TRPM7: variants seen among roughly 807,000 people sequenced by gnomAD.
TRPM7 encodes the protein transient receptor potential cation channel subfamily M member 7.
A neutral mutation model predicts 229.7 loss-of-function variants in TRPM7; 134 were observed. That is an observed-to-expected ratio of 0.58 (90% CI 0.51 to 0.67). The LOEUF (loss-of-function observed/expected upper bound fraction) is 0.67. TRPM7 is among the 30% of genes least tolerant of loss of function. The probability of loss-of-function intolerance (pLI) is 0.00; values close to 1 mark genes in which losing one functional copy is unlikely to be tolerated. For synonymous variants in TRPM7, 699 were observed against 715.2 expected, an observed-to-expected ratio of 0.98 and a Z score of 0.36; for missense variants, 1,901 against 2,210.0, an observed-to-expected ratio of 0.86 and a Z score of 2.80.
intron 38 of TRPM7, 51 bp from the exon 39 acceptor site, chr15:50,561,859 A>G (rs1214514447): frequency 1.4e-6 from 2 of 1,463,602 alleles, no homozygotes; most frequent in African/African-American, 2.9e-5. Context: ...GAGAAAAGAA[A>G]AAAGTTAGTA....
intron 1 of TRPM7, among the ~76,000 whole-genome samples, chr15:50,671,908 A>C (rs1469848120): frequency 6.6e-6 from 1 of 152,196 alleles, no homozygotes. Flanking sequence ...ACAAACCTGC[A>C]CTGCCAGTTA....
chr15:50,612,273 T>C (rs1359082909), intron 16 of TRPM7, among the ~76,000 whole-genome samples: 1 of 152,218 alleles, frequency 6.6e-6, no homozygotes, highest in Non-Finnish European at 1.5e-5. Flanking sequence ...AAATTTCATG[T>C]AGAGACGGGG....
intron 38 of TRPM7, among the ~76,000 whole-genome samples, chr15:50,568,074 GTC>G (rs2053688307): frequency 1.2e-5 from 1 of 81,540 alleles, no homozygotes; most frequent in Non-Finnish European, 2.2e-5. Context: ...GCGAGACTCC[GTC>G]TCAAAAAAAA....
chr15:50,656,499 CTT>C (rs75557468), intron 3 of TRPM7, among the ~76,000 whole-genome samples: 85 of 133,446 alleles, frequency 6.4e-4, no homozygotes, highest in South Asian at 3.4e-3. Context: ...GTGTGGTTTT[CTT>C]TTTTTTTTTT....
intron 29 of TRPM7, among the ~76,000 whole-genome samples, chr15:50,581,955 T>C (rs1000168810): frequency 2.0e-5 from 3 of 152,166 alleles, no homozygotes; most frequent in Non-Finnish European, 2.9e-5. Context: ...ATCTGTTAAT[T>C]AACTCCCACT....
chr15:50,619,832 T>C (rs757109915), intron 12 of TRPM7, 34 bp from the exon 13 acceptor site: 1 of 1,559,828 alleles, frequency 6.4e-7, no homozygotes, highest in South Asian at 1.2e-5. Context: ...AAACTATTAT[T>C]TTTCTTCTAA....
At chr15:50,603,850 T>C (rs1261640441) in intron 21 of TRPM7, 7 of 152,210 alleles carry the variant, frequency 4.6e-5, no homozygotes, top group African/African-American at 1.4e-4. Flanking sequence ...GCATGTATTT[T>C]TAAAGCATAT....
At chr15:50,636,962 T>C (rs1362923054) in intron 7 of TRPM7, among the ~76,000 whole-genome samples, 1 of 152,032 alleles carries the variant, frequency 6.6e-6, no homozygotes, top group Non-Finnish European at 1.5e-5. Context: ...ACCCTGTCTC[T>C]ACTAAAAATA....
intron 24 of TRPM7, 140 bp from the exon 25 acceptor site, chr15:50,593,889 A>G (rs1423253850): frequency 5.2e-6 from 4 of 773,458 alleles, no homozygotes; most frequent in Admixed American, 6.3e-5. Context: ...CTATGCTTCT[A>G]AAGCACTAGA....
At chr15:50,623,796 A>G (rs915444705) in intron 12 of TRPM7, among the ~76,000 whole-genome samples, 1 of 136,226 alleles carries the variant, frequency 7.3e-6, no homozygotes, top group Admixed American at 7.2e-5. Context: ...ATGTAAAAAA[A>G]GAAAAAAAAA....
chr15:50,557,377 C>T lies in TRPM7; in HGVS notation c.*4301G>A, dbSNP rs2053177044. On this transcript the variant is annotated 3_prime_UTR_variant, in exon 39 of 39. Coordinates refer to ENST00000646667, the MANE Select transcript of TRPM7 (RefSeq NM_017672.6). ...TCAATCCAGTGAAGTCTTGAGGGTC[C>T]CTTCCCTCTGTGAAGCATATAATCT... The T allele has an allele frequency of 6.6e-6, 1 of 152,086 alleles. No individual in the cohort carries two copies. The highest frequency in any genetic ancestry group is 2.4e-5 in the African/African-American group (1 of 41,416). The allele number at this position is 152,086 out of a possible 1,614,324, so 9.4% of individuals were successfully genotyped here.
chr15:50,634,121 C>T lies in TRPM7; in HGVS notation c.1007+261G>A, dbSNP rs753691433. Among the ~76,000 whole-genome samples, 78 of 152,066 alleles carry T rather than the reference C, an allele frequency of 5.1e-4. 1 individual carries two copies. Among genetic ancestry groups the T allele is most frequent in the Middle Eastern group, 3.4e-3 (1 of 294 alleles). The stretch of plus-strand genomic sequence containing the variant: ...ATCACTTGAGGTCAGGAGTTCAAGA[C>T]TAGCCTGCCCAACACAGTGAAACCC... On this transcript the variant is annotated intron_variant, in intron 8 of 38. Coordinates refer to ENST00000646667, the MANE Select transcript of TRPM7 (RefSeq NM_017672.6).
In TRPM7 at chr15:50,574,259, T is replaced by G. The variant is rs373910257; in HGVS notation, c.5308+15A>C. The G allele has an allele frequency of 3.7e-6, 6 of 1,602,750 alleles. No homozygotes were observed. The African/African-American group carries it at 8.0e-5, about 21-fold the overall frequency. On this transcript the variant is annotated intron_variant, in intron 36 of 38. Coordinates refer to ENST00000646667, the MANE Select transcript of TRPM7 (RefSeq NM_017672.6). ...ACTGCAGAATTTCACCTTAGCAATA[T>G]TTTAATAAATTTACCTTGCAAATCA...
chr15:50,613,893 A>G (rs776227595), intron 14 of TRPM7, 52 bp from the exon 15 acceptor site: 2 of 1,577,484 alleles, frequency 1.3e-6, no homozygotes, highest in Non-Finnish European at 1.7e-6. Flanking sequence ...CTGACATGTT[A>G]TAAAAATTCA....
rs562159289 is a variant in TRPM7, at chr15:50,680,186, A to G, written c.3+6345T>C. On this transcript the variant is annotated intron_variant, in intron 1 of 38. Transcript: ENST00000646667. ...GAGGCAGAGGCTGCAGGGAGCTGAG[A>G]TTGTGCCACTGCACTCCAGCCTGGG... 2.6e-5 allele frequency among the ~76,000 whole-genome samples: 4 copies of G among 152,116 alleles called. No homozygotes were observed. The South Asian group carries it at 8.3e-4, about 32-fold the overall frequency.
intron 1 of TRPM7, among the ~76,000 whole-genome samples, chr15:50,677,621 C>A (rs1282541870): frequency 2.6e-5 from 4 of 151,574 alleles, no homozygotes; most frequent in African/African-American, 9.7e-5. Context: ...CGCCTGTAAT[C>A]CCGGCTACTC....
intron 38 of TRPM7, among the ~76,000 whole-genome samples, chr15:50,562,636 G>A (rs932254199): frequency 3.3e-5 from 5 of 152,012 alleles, no homozygotes; most frequent in African/African-American, 1.2e-4. Context: ...GCCAGGTGTG[G>A]TGATGTGCGC....
chr15:50,635,421 T>C (rs2140695715), intron 7 of TRPM7, among the ~76,000 whole-genome samples: 1 of 151,066 alleles, frequency 6.6e-6, no homozygotes, highest in East Asian at 1.9e-4. Context: ...CCCAGCACTT[T>C]GAGAGGCCAA....
chr15:50,644,813 A>G (rs1051038012), intron 4 of TRPM7, among the ~76,000 whole-genome samples: 13 of 151,416 alleles, frequency 8.6e-5, no homozygotes, highest in Non-Finnish European at 1.6e-4. Flanking sequence ...AAAAAAAAAA[A>G]AAAAAAAAAG....
Sources: gnomAD v4.1 joint callset for allele counts (sites outside exome capture counted in the v4.1 genomes callset) on GRCh38, gnomAD v4.1.1 for gene constraint, MANE v1.5 for transcripts, NCBI Gene and HGNC (gene_info 2026-07-23, HGNC 2026-07-21) for gene names.